The following NOTCH2NLR variants were observed in gnomAD, a reference collection of about 807,000 sequenced individuals.
The protein encoded by NOTCH2NLR is notch 2 N-terminal like R.
NOTCH2NLR carries 33 observed loss-of-function variants against 35.6 expected under a neutral mutation model. The ratio of observed to expected loss-of-function variants is 0.93; its 90% CI spans 0.70 to 1.24. The LOEUF is 1.24. Among genes scored for constraint, NOTCH2NLR ranks in the 50% most tolerant of loss-of-function variants. The probability of loss-of-function intolerance (pLI) is 0.00; values close to 1 mark genes in which losing one functional copy is unlikely to be tolerated. For missense variants in NOTCH2NLR, 276 were observed against 362.2 expected, an observed-to-expected ratio of 0.76 and a Z score of 1.93; for synonymous variants, 103 against 141.0, an observed-to-expected ratio of 0.73 and a Z score of 1.91.
At chr1:120,728,689 A>G (rs1650842191) in intron 1 of NOTCH2NLR, among the ~76,000 whole-genome samples, 2 of 117,886 alleles carry the variant, frequency 1.7e-5, no homozygotes, top group Non-Finnish European at 3.3e-5. Flanking sequence ...TACTATTTTT[A>G]AAATTAGAGT....
At chr1:120,754,381 A>G (rs1381635059) in intron 1 of NOTCH2NLR, among the ~76,000 whole-genome samples, 1 of 42,422 alleles carries the variant, frequency 2.4e-5, no homozygotes, top group Non-Finnish European at 4.0e-5. Flanking sequence ...TAAGCAGCAC[A>G]CAAATATATA....
chr1:120,752,546 A>ATTTTTTT (rs1651030391), intron 1 of NOTCH2NLR, among the ~76,000 whole-genome samples: 1 of 12,764 alleles, frequency 7.8e-5, no homozygotes, highest in Non-Finnish European at 1.4e-4. Flanking sequence ...ATATATATAT[A>ATTTTTTT]TATATATATT....
At chr1:120,765,194 C>CT (rs1651177832) in intron 2 of NOTCH2NLR, among the ~76,000 whole-genome samples, 2 of 118,284 alleles carry the variant, frequency 1.7e-5, no homozygotes, top group Admixed American at 1.6e-4. Context: ...GCATTCTCCT[C>CT]TAAGAATGGA....
intron 1 of NOTCH2NLR, among the ~76,000 whole-genome samples, chr1:120,759,841 C>T (rs1292298007): frequency 8.8e-6 from 1 of 113,940 alleles, no homozygotes; most frequent in Non-Finnish European, 1.7e-5. Flanking sequence ...GAAATTTACT[C>T]TCTTAGCAAT....
In NOTCH2NLR at chr1:120,724,182, C is replaced by A; in HGVS notation, c.5C>A (p.Pro2His). Residue 2 changes from proline (P) to histidine (H), a missense_variant, in exon 1 of 5, where the codon CCC becomes CAC. Coordinates refer to ENST00000624419, the Ensembl canonical transcript of NOTCH2NLR. ...GAGGAGGAGGCGACCGAGAAGATGC[C>A]CGCCCTGCGTCCCGCTCTGCTGTGG... is the stretch of plus-strand genomic sequence containing the variant. The A allele has an allele frequency of 1.4e-6, 2 of 1,393,354 alleles. 1 individual carries two copies. Among genetic ancestry groups the A allele is most frequent in the Non-Finnish European group, 1.9e-6 (2 of 1,064,602 alleles). 86.3% of individuals were successfully genotyped at this position (1,393,354 alleles called of 1,614,324 possible).
At chr1:120,779,963 TG>T (rs1651343939) in intron 2 of NOTCH2NLR, among the ~76,000 whole-genome samples, 1 of 131,058 alleles carries the variant, frequency 7.6e-6, no homozygotes, top group African/African-American at 3.2e-5. Flanking sequence ...CTTAGCTTCC[TG>T]GGGTGTGAAG....
chr1:120,729,720 TATG>T (rs1650855845), intron 1 of NOTCH2NLR, among the ~76,000 whole-genome samples: 1 of 117,178 alleles, frequency 8.5e-6, no homozygotes, highest in Non-Finnish European at 1.6e-5. Context: ...TAACTTCTCT[TATG>T]ATAAGAATAG....
At chr1:120,777,574 C>T in intron 2 of NOTCH2NLR, among the ~76,000 whole-genome samples, 1 of 99,866 alleles carries the variant, frequency 1.0e-5, no homozygotes, top group Non-Finnish European at 1.8e-5. Context: ...TTCTGGACAC[C>T]AATCTATACA....
chr1:120,778,565 TTTG>T (rs1225789699), intron 2 of NOTCH2NLR, among the ~76,000 whole-genome samples: 2 of 56,828 alleles, frequency 3.5e-5, no homozygotes, highest in East Asian at 7.9e-4. Context: ...GGGATTTTGC[TTTG>T]TTGTTGTTGT....
Position 120,724,382 on chromosome 1 carries a change from G to C in NOTCH2NLR, c.73+132G>C, listed in dbSNP as rs1198548539. 2.2e-5 allele frequency: 29 copies of C among 1,347,462 alleles called. 6 individuals carry two copies. In the East Asian group the frequency reaches 7.6e-4, roughly 35 times the overall value. The allele number at this position is 1,347,462 out of a possible 1,614,324, so 83.5% of individuals were successfully genotyped here. On this transcript the variant is annotated intron_variant, in intron 1 of 4. Transcript: ENST00000624419. The stretch of plus-strand genomic sequence containing the variant: ...CCGGCGCGGAGTGAGGCCACTCGCT[G>C]GGTTCCCAAGAGTTTGGACATCGCC...
At position 120,784,818 on chromosome 1, in the gene NOTCH2NLR, T is replaced by A. The variant is rs1164382407; in HGVS notation, c.156-156T>A. 4.2e-5 allele frequency among the ~76,000 whole-genome samples: 5 copies of A among 119,194 alleles called. 1 individual carries two copies. Among genetic ancestry groups the A allele is most frequent in the Admixed American group, 3.2e-4 (4 of 12,540 alleles). The allele number at this position is 119,194 out of a possible 152,430, so 78.2% of individuals were successfully genotyped here. A position where few individuals can be genotyped will look rare whatever the true frequency, so the allele number is the denominator to read the frequency against. On this transcript the variant is annotated intron_variant, in intron 2 of 4. Transcript: ENST00000624419. ...GTACGTGGTTAAGTTCTCTAAGGACTCTTTCTTCTAAAGGGAAGCAGTTTT... is the reference window on the plus strand; with the variant it reads ...GTACGTGGTTAAGTTCTCTAAGGACACTTTCTTCTAAAGGGAAGCAGTTTT...
chr1:120,776,302 T>A (rs1395546584), intron 2 of NOTCH2NLR, among the ~76,000 whole-genome samples: 1 of 106,074 alleles, frequency 9.4e-6, no homozygotes, highest in Non-Finnish European at 1.8e-5. Flanking sequence ...TGAGACTTAA[T>A]GAAATTTTAG....
exon 4 of NOTCH2NLR, chr1:120,793,193 T>C (rs1222760496): frequency 1.4e-6 from 2 of 1,441,494 alleles, no homozygotes; most frequent in Admixed American, 3.9e-5. Context: ...TGCCTGCCTG[T>C]CTCATCTCTG....
rs1315065971 is a variant in NOTCH2NLR, at chr1:120,793,409, T to C, written c.664T>C (p.Tyr222His). Residue 222 changes from tyrosine to histidine, a missense_variant, in exon 4 of 5, where the codon TAT becomes CAT. Tyr to His is a moderately conservative substitution (Grantham distance 83). Transcript: ENST00000624419. ...CACAGGCCAGTACTGTGACAGACTG[T>C]ATGTGCCCTGTGCACACTCGCCTTG... 3,700 of 1,441,842 alleles carry C rather than the reference T, an allele frequency of 2.6e-3. 860 individuals carry two copies. In the Middle Eastern group the frequency reaches 0.049, roughly 19 times the overall value. The allele number at this position is 1,441,842 out of a possible 1,614,324, so 89.3% of individuals were successfully genotyped here.
At chr1:120,790,586 TTCTTTC>T (rs1651479979) in intron 3 of NOTCH2NLR, among the ~76,000 whole-genome samples, 1 of 103,286 alleles carries the variant, frequency 9.7e-6, no homozygotes, top group Admixed American at 9.5e-5. Context: ...CTTTCTTTCT[TTCTTTC>T]TCTTTCTCTC....
chr1:120,724,144 G>A lies in NOTCH2NLR; in HGVS notation c.-34G>A. On this transcript the variant is annotated 5_prime_UTR_variant, in exon 1 of 5. Coordinates refer to ENST00000624419, the Ensembl canonical transcript of NOTCH2NLR. ...GATCTGCCCAGGCGGCGGCGGCGGC[G>A]GCGGCGGAGGAGGAGGAGGAGGCGA... 2.2e-6 allele frequency: 3 copies of A among 1,364,390 alleles called. 1 individual carries two copies. Among genetic ancestry groups the A allele is most frequent in the East Asian group, 5.2e-5 (2 of 38,732 alleles). 84.5% of individuals were successfully genotyped at this position (1,364,390 alleles called of 1,614,324 possible).
chr1:120,793,478 G>C lies in NOTCH2NLR; in HGVS notation c.733G>C (p.Glu245Gln). 8 of 1,387,252 alleles carry C rather than the reference G, an allele frequency of 5.8e-6. 2 individuals are homozygous for C. Among genetic ancestry groups the C allele is most frequent in the Non-Finnish European group, 7.8e-6 (8 of 1,032,242 alleles). The allele number at this position is 1,387,252 out of a possible 1,614,324, so 85.9% of individuals were successfully genotyped here. A position where few individuals can be genotyped will look rare whatever the true frequency, so the allele number is the denominator to read the frequency against. Residue 245 changes from glutamate to glutamine, a missense_variant, in exon 4 of 5, where the codon GAG (glutamate) becomes CAG (glutamine). Glu to Gln is a conservative substitution (Grantham distance 29). Coordinates refer to ENST00000624419, the Ensembl canonical transcript of NOTCH2NLR. ...TCGGCAGACTGGTGACTTCACTTTT[G>C]AGTGCAACTGCCTTCCAGGTAAGGA...
At chr1:120,793,195 T>C in exon 4 of NOTCH2NLR, 1 of 1,441,936 alleles carries the variant, frequency 6.9e-7, no homozygotes. Context: ...CCTGCCTGTC[T>C]CATCTCTGTG....
chr1:120,779,812 C>T (rs1306162990), intron 2 of NOTCH2NLR, among the ~76,000 whole-genome samples: 2 of 121,834 alleles, frequency 1.6e-5, no homozygotes, highest in Non-Finnish European at 3.4e-5. Flanking sequence ...TCCACCAAGA[C>T]TAACAGAGTA....
Sources: gnomAD v4.1 joint callset for allele counts (sites outside exome capture counted in the v4.1 genomes callset) on GRCh38, gnomAD v4.1.1 for gene constraint, MANE v1.5 for transcripts, NCBI Gene and HGNC (gene_info 2026-07-23, HGNC 2026-07-21) for gene names.